SLC24A2: variants seen among roughly 807,000 people sequenced by gnomAD.
SLC24A2 encodes the protein solute carrier family 24 member 2, also known as sodium/potassium/calcium exchanger 2.
A neutral mutation model predicts 62.0 loss-of-function variants in SLC24A2; 36 were observed. That is an observed-to-expected ratio of 0.58 (90% CI 0.44 to 0.77). The LOEUF is 0.77. Among genes scored for constraint, SLC24A2 ranks in the 30% least tolerant of loss-of-function variants. SLC24A2 has a pLI of 0.00. For missense variants in SLC24A2, 846 were observed against 817.9 expected (o/e 1.03, Z -0.42); for synonymous variants, 358 against 294.0 (o/e 1.22, Z -2.23).
At chr9:20,000,365 T>C in the SLC24A2 span, among the ~76,000 whole-genome samples, 1 of 152,206 alleles carries the variant, frequency 6.6e-6, no homozygotes, top group Non-Finnish European at 1.5e-5. Flanking sequence ...GAATTTGACC[T>C]AGGCAGGTTG....
chr9:19,861,394 C>T, the SLC24A2 span, among the ~76,000 whole-genome samples: 1 of 152,174 alleles, frequency 6.6e-6, no homozygotes, highest in African/African-American at 2.4e-5. Context: ...TTGGGGTCCA[C>T]CCTAAATCAG....
chr9:19,665,887 T>G (rs146758766), intron 2 of SLC24A2, among the ~76,000 whole-genome samples: 1 of 152,070 alleles, frequency 6.6e-6, no homozygotes, highest in Non-Finnish European at 1.5e-5. Flanking sequence ...CTGAACTCCT[T>G]GGCTGAAGCA....
At chr9:19,785,697 A>T (rs1005501174) in intron 2 of SLC24A2, among the ~76,000 whole-genome samples, 4 of 152,326 alleles carry the variant, frequency 2.6e-5, no homozygotes, top group African/African-American at 9.6e-5. Context: ...TGTAACCTAT[A>T]TTTACAAGTG....
intron 9 of SLC24A2, 127 bp downstream of exon 9, chr9:19,527,922 T>C (rs1174478359): frequency 1.1e-5 from 8 of 712,326 alleles, no homozygotes; most frequent in Admixed American, 2.0e-5. Context: ...AGTCCTGGAA[T>C]GCTAACTCGT....
intron 9 of SLC24A2, among the ~76,000 whole-genome samples, chr9:19,521,425 C>T (rs1178741691): frequency 6.6e-6 from 1 of 152,196 alleles, no homozygotes; most frequent in African/African-American, 2.4e-5. Flanking sequence ...GCAGTGGCAC[C>T]AAGTCCTGTG....
intron 2 of SLC24A2, among the ~76,000 whole-genome samples, chr9:19,630,152 C>T (rs1209785447): frequency 2.0e-5 from 3 of 152,140 alleles, no homozygotes; most frequent in African/African-American, 7.2e-5. Flanking sequence ...GTGGCCTAAT[C>T]ATTACTTTTG....
the SLC24A2 span, among the ~76,000 whole-genome samples, chr9:20,303,710 C>T: frequency 6.6e-6 from 1 of 152,180 alleles, no homozygotes; most frequent in Admixed American, 6.5e-5. Flanking sequence ...TGACTGTAGC[C>T]ATATCTTGAA....
the SLC24A2 span, chr9:19,967,495 C>T: frequency 1.8e-4 from 28 of 152,354 alleles, no homozygotes; most frequent in South Asian, 4.6e-3. Flanking sequence ...AAGAGCATCA[C>T]AGAAGCTTAT....
chr9:19,795,791 C>T, the SLC24A2 span, among the ~76,000 whole-genome samples: 1 of 152,072 alleles, frequency 6.6e-6, no homozygotes, highest in Non-Finnish European at 1.5e-5. Flanking sequence ...ACTTGGAATA[C>T]ATTAATAGCC....
the SLC24A2 span, among the ~76,000 whole-genome samples, chr9:20,114,077 T>C: frequency 6.6e-6 from 1 of 152,094 alleles, no homozygotes; most frequent in African/African-American, 2.4e-5. Context: ...GAGACAGGCT[T>C]GGGAGTTCTG....
At chr9:20,238,505 G>A in the SLC24A2 span, among the ~76,000 whole-genome samples, 1 of 152,298 alleles carries the variant, frequency 6.6e-6, no homozygotes, top group South Asian at 2.1e-4. Flanking sequence ...ATTGGCCAAG[G>A]AAATTATGAT....
At chr9:20,133,374 C>G in the SLC24A2 span, among the ~76,000 whole-genome samples, 1 of 152,068 alleles carries the variant, frequency 6.6e-6, no homozygotes, top group Non-Finnish European at 1.5e-5. Flanking sequence ...GGCAAACTTA[C>G]AAACAATATA....
At chr9:19,724,491 C>T (rs1564064760) in intron 2 of SLC24A2, among the ~76,000 whole-genome samples, 1 of 152,180 alleles carries the variant, frequency 6.6e-6, no homozygotes. Flanking sequence ...GTCTAAACAA[C>T]TTGACATGCC....
intron 2 of SLC24A2, among the ~76,000 whole-genome samples, chr9:19,709,013 A>G (rs1216786589): frequency 6.6e-6 from 1 of 152,164 alleles, no homozygotes; most frequent in Non-Finnish European, 1.5e-5. Flanking sequence ...TCATCTGACA[A>G]AGGGCTAATA....
chr9:19,729,480 A>G (rs1821271363), intron 2 of SLC24A2, among the ~76,000 whole-genome samples: 1 of 152,206 alleles, frequency 6.6e-6, no homozygotes, highest in Non-Finnish European at 1.5e-5. Context: ...GTGTCCAATA[A>G]CAGGTGAATG....
the SLC24A2 span, among the ~76,000 whole-genome samples, chr9:19,983,409 C>T: frequency 1.3e-5 from 2 of 152,228 alleles, no homozygotes; most frequent in African/African-American, 2.4e-5. Flanking sequence ...CTTTGGGAGG[C>T]CAAGGTGGGC....
intron 2 of SLC24A2, among the ~76,000 whole-genome samples, chr9:19,740,205 G>C (rs2118761452): frequency 6.6e-6 from 1 of 152,194 alleles, no homozygotes; most frequent in South Asian, 2.1e-4. Flanking sequence ...CGTATCCTAA[G>C]ACCCAGCAAT....
the SLC24A2 span, among the ~76,000 whole-genome samples, chr9:19,829,009 T>G: frequency 6.6e-6 from 1 of 152,202 alleles, no homozygotes; most frequent in Non-Finnish European, 1.5e-5. Flanking sequence ...CCAGACCGAC[T>G]GGCTTCCTCT....
At chr9:19,964,359 TAAAGTA>T in the SLC24A2 span, among the ~76,000 whole-genome samples, 7 of 151,934 alleles carry the variant, frequency 4.6e-5, no homozygotes, top group East Asian at 9.7e-4. Context: ...CCCTAAAACT[TAAAGTA>T]AAATAATAAT....
Sources: gnomAD v4.1 joint callset for allele counts (sites outside exome capture counted in the v4.1 genomes callset) on GRCh38, gnomAD v4.1.1 for gene constraint, MANE v1.5 for transcripts, NCBI Gene and HGNC (gene_info 2026-07-23, HGNC 2026-07-21) for gene names.